DDC: variants seen among roughly 807,000 people sequenced by gnomAD.
DDC encodes the protein dopa decarboxylase, also known as aromatic-L-amino-acid decarboxylase.
Under a neutral mutation model 60.0 loss-of-function variants are expected in DDC, and 43 were observed. The observed-to-expected ratio is 0.72, with a 90% confidence interval of 0.56 to 0.92. The LOEUF is 0.92. Ranked by LOEUF, DDC falls within the 40% of genes least tolerant of loss-of-function variation. The pLI is 0.00. For synonymous variants in DDC, 232 were observed against 234.6 expected (o/e 0.99, Z 0.10); for missense variants, 573 against 620.2 (o/e 0.92, Z 0.81).
chr7:50,519,689 GA>G (rs1478699562), intron 6 of DDC, among the ~76,000 whole-genome samples: 4 of 152,122 alleles, frequency 2.6e-5, no homozygotes, highest in Non-Finnish European at 5.9e-5. Context: ...GCTAAGCTAT[GA>G]AGACACAAAG....
At chr7:50,476,022 G>C (rs987137918) in intron 11 of DDC, among the ~76,000 whole-genome samples, 1 of 152,136 alleles carries the variant, frequency 6.6e-6, no homozygotes, top group Admixed American at 6.5e-5. Flanking sequence ...AAGACAGCCA[G>C]CTCAGTGGCC....
chr7:50,544,991 C>A (rs1442083831), intron 1 of DDC, among the ~76,000 whole-genome samples: 1 of 152,146 alleles, frequency 6.6e-6, no homozygotes, highest in Non-Finnish European at 1.5e-5. Context: ...CATATATTTT[C>A]TCCATAAGGC....
At chr7:50,528,100 C>T (rs1563029213) in intron 6 of DDC, 37 bp downstream of exon 6, 1 of 1,610,222 alleles carries the variant, frequency 6.2e-7, no homozygotes, top group Non-Finnish European at 8.5e-7. Flanking sequence ...GGAGTTTCAC[C>T]TTATTGGCCA....
At chr7:50,563,083 C>T (rs1469312154) in intron 1 of DDC, among the ~76,000 whole-genome samples, 2 of 150,482 alleles carry the variant, frequency 1.3e-5, no homozygotes, top group Non-Finnish European at 2.9e-5. Flanking sequence ...AGGAGAACTG[C>T]TTGAACTTGA....
chr7:50,459,106 A>G (rs1479998884), intron 14 of DDC, among the ~76,000 whole-genome samples: 1 of 152,158 alleles, frequency 6.6e-6, no homozygotes, highest in Middle Eastern at 3.2e-3. Flanking sequence ...GCAGGCGCGC[A>G]CCACCACGCC....
chr7:50,492,438 G>C (rs1051197235), intron 9 of DDC, among the ~76,000 whole-genome samples: 4 of 152,140 alleles, frequency 2.6e-5, no homozygotes, highest in African/African-American at 7.2e-5. Context: ...TTGTTCTGTC[G>C]AGAACGCACC....
chr7:50,543,570 A>G (rs11575294), intron 2 of DDC: 3 of 410,172 alleles, frequency 7.3e-6, no homozygotes, highest in Admixed American at 7.1e-5. Flanking sequence ...CCTAATGTAT[A>G]TGAGGACACG....
At chr7:50,464,327 T>C (rs2042348396) in intron 13 of DDC, among the ~76,000 whole-genome samples, 2 of 151,992 alleles carry the variant, frequency 1.3e-5, no homozygotes, top group Admixed American at 1.3e-4. Flanking sequence ...CACCTGGCCA[T>C]AGAGCTGTGC....
At chr7:50,543,423 C>T (rs1040188370) in intron 2 of DDC, 10 of 278,892 alleles carry the variant, frequency 3.6e-5, no homozygotes, top group African/African-American at 1.3e-4. Context: ...CAGCACCACA[C>T]TGCCCACTCT....
chr7:50,554,518 G>C (rs2045116192), intron 1 of DDC, among the ~76,000 whole-genome samples: 1 of 152,134 alleles, frequency 6.6e-6, no homozygotes, highest in Admixed American at 6.5e-5. Context: ...ATCTTCACTT[G>C]TATTTCTCTT....
intron 7 of DDC, among the ~76,000 whole-genome samples, chr7:50,500,457 G>C (rs1235587281): frequency 6.6e-6 from 1 of 152,174 alleles, no homozygotes; most frequent in South Asian, 2.1e-4. Context: ...CCTATCTTAT[G>C]ATGTGATCTG....
chr7:50,466,493 GAAAAAAAAAA>G lies in DDC; in HGVS notation c.1242+711_1242+720del, dbSNP rs57396757. Among the ~76,000 whole-genome samples, 23 of 64,088 alleles carry G rather than the reference GAAAAAAAAAA, an allele frequency of 3.6e-4. No individual in the cohort carries two copies. In the Admixed American group the frequency reaches 4.1e-3, roughly 11 times the overall value. 42.0% of individuals were successfully genotyped at this position (64,088 alleles called of 152,430 possible). On this transcript the variant is annotated intron_variant, in intron 13 of 14. Transcript: ENST00000444124. ...GAGTGGGAGACTCTGTCTCCAAAAA[GAAAAAAAAAA>G]AAAAAAAAAAAAAACCTTATAAACC...
chr7:50,557,573 T>C (rs1402522422), intron 1 of DDC, among the ~76,000 whole-genome samples: 2 of 152,334 alleles, frequency 1.3e-5, no homozygotes, highest in Non-Finnish European at 2.9e-5. Flanking sequence ...AGGTGCAGAA[T>C]TTCCTTAACA....
intron 8 of DDC, among the ~76,000 whole-genome samples, chr7:50,496,543 C>T (rs11575407): frequency 0.041 from 6,223 of 152,186 alleles, 268 homozygotes; most frequent in African/African-American, 0.11. Context: ...GAGGTTTAAA[C>T]CACCAAGAGT....
intron 9 of DDC, among the ~76,000 whole-genome samples, chr7:50,493,763 C>CA (rs2043061783): frequency 6.6e-6 from 1 of 150,524 alleles, no homozygotes; most frequent in African/African-American, 2.4e-5. Context: ...AAAAGACTGA[C>CA]AAAAAATAAT....
At chr7:50,464,065 C>T (rs1429179786) in intron 13 of DDC, among the ~76,000 whole-genome samples, 3 of 152,018 alleles carry the variant, frequency 2.0e-5, no homozygotes, top group Admixed American at 2.0e-4. Context: ...GGTCTTCTGA[C>T]ACTTCACCTC....
chr7:50,551,463 C>A (rs1047590587), intron 1 of DDC, among the ~76,000 whole-genome samples: 2 of 152,046 alleles, frequency 1.3e-5, no homozygotes, highest in African/African-American at 4.8e-5. Context: ...TAACTCCTGA[C>A]CTCAAGTGAT....
At chr7:50,489,744 A>G (rs572977951) in intron 9 of DDC, among the ~76,000 whole-genome samples, 95 of 152,360 alleles carry the variant, frequency 6.2e-4, no homozygotes, top group Middle Eastern at 3.4e-3. Flanking sequence ...TAGTTTCTCT[A>G]TAAATTAAAC....
rs117349421 is a variant in DDC at position 50,527,116 on chromosome 7, A to G, written c.714+1021T>C. Among the ~76,000 whole-genome samples, 584 of 152,340 alleles carry G rather than the reference A, an allele frequency of 3.8e-3. 3 individuals carry two copies. The highest frequency in any genetic ancestry group is 5.4e-3 in the South Asian group (26 of 4,828). Reference sequence around the variant, plus strand: ...TGTTCTTAGTTTTTTGTGGTTATATATGAAACTGACTTCATATATTTCGCA... The same window carrying G: ...TGTTCTTAGTTTTTTGTGGTTATATGTGAAACTGACTTCATATATTTCGCA... On this transcript the variant is annotated intron_variant, in intron 6 of 14. Coordinates refer to ENST00000444124, the MANE Select transcript of DDC (RefSeq NM_001082971.2).
Sources: allele counts gnomAD v4.1 joint callset (sites outside exome capture counted in the v4.1 genomes callset), GRCh38; gene constraint gnomAD v4.1.1; transcripts MANE v1.5; gene names NCBI Gene and HGNC (gene_info 2026-07-23, HGNC 2026-07-21).